The following CAGE1 variants were observed in gnomAD, a reference collection of about 807,000 sequenced individuals.
CAGE1 encodes the protein cancer antigen 1, also known as cancer-associated gene 1 protein.
Under a neutral mutation model 94.9 loss-of-function variants are expected in CAGE1, and 66 were observed. The ratio of observed to expected loss-of-function variants is 0.70; its 90% CI spans 0.57 to 0.85. The LOEUF is 0.85. Ranked by LOEUF, CAGE1 falls within the 40% of genes least tolerant of loss-of-function variation. The pLI is 0.00. For synonymous variants in CAGE1, 319 were observed against 321.0 expected, an observed-to-expected ratio of 0.99 and a Z score of 0.07; for missense variants, 865 against 950.4, an observed-to-expected ratio of 0.91 and a Z score of 1.18.
chr6:7,378,300 C>A (rs1273392116), intron 4 of CAGE1, among the ~76,000 whole-genome samples: 1 of 152,088 alleles, frequency 6.6e-6, no homozygotes, highest in Non-Finnish European at 1.5e-5. Context: ...GAGAAATTAC[C>A]ATTTGGTAGA....
chr6:7,347,506 G>C (rs1240760210), intron 11 of CAGE1: 2 of 132,638 alleles, frequency 1.5e-5, no homozygotes, highest in African/African-American at 5.9e-5. Context: ...GCGAGGGTGG[G>C]GGGGGGGGTT....
At chr6:7,347,930 GTC>G (rs1381975426) in intron 11 of CAGE1, among the ~76,000 whole-genome samples, 1 of 152,008 alleles carries the variant, frequency 6.6e-6, no homozygotes, top group Non-Finnish European at 1.5e-5. Flanking sequence ...CCCAAGGAGA[GTC>G]TGAGCTCAGA....
chr6:7,340,832 A>T (rs913961866), intron 11 of CAGE1: 19 of 411,266 alleles, frequency 4.6e-5, no homozygotes, highest in Non-Finnish European at 7.6e-5. Context: ...CAACTGCTTC[A>T]CTAGCAAAGC....
At chr6:7,359,317 G>C (rs1760092573) in intron 9 of CAGE1, among the ~76,000 whole-genome samples, 1 of 152,202 alleles carries the variant, frequency 6.6e-6, no homozygotes, top group African/African-American at 2.4e-5. Context: ...AAAGTGCTGG[G>C]ATTACAGGTG....
At chr6:7,345,135 C>CT (rs752226471) in intron 11 of CAGE1, among the ~76,000 whole-genome samples, 16 of 41,964 alleles carry the variant, frequency 3.8e-4, no homozygotes, top group South Asian at 1.2e-3. Flanking sequence ...ATCCATATTG[C>CT]TTTTAGGAGC....
intron 3 of CAGE1, among the ~76,000 whole-genome samples, chr6:7,385,139 G>A (rs1761074998): frequency 6.6e-6 from 1 of 152,112 alleles, no homozygotes; most frequent in Non-Finnish European, 1.5e-5. Flanking sequence ...CCAAGTAGCT[G>A]GGATTACAGG....
At chr6:7,349,521 C>T (rs1325751399) in intron 11 of CAGE1, among the ~76,000 whole-genome samples, 1 of 151,982 alleles carries the variant, frequency 6.6e-6, no homozygotes, top group Admixed American at 6.6e-5. Flanking sequence ...AAAAAAAAAC[C>T]AAGGTACACA....
chr6:7,339,082 G>A lies in CAGE1; in HGVS notation c.2370-4992C>T, dbSNP rs1163103903. The stretch of plus-strand genomic sequence containing the variant: ...GCAGTGTCAACGTAGTAGTTAACAG[G>A]GTCTCTGCTGTGGATCATCAGGCCG... On this transcript the variant is annotated intron_variant, in intron 11 of 13. Coordinates refer to ENST00000502583, the MANE Select transcript of CAGE1 (RefSeq NM_001170692.2). This position sits in a 1 kb window ranked among gnomAD's most constrained non-coding sequence, Gnocchi z 4.7. 1.9e-6 allele frequency: 3 copies of A among 1,598,702 alleles called. No homozygotes were observed. The highest frequency in any genetic ancestry group is 1.7e-5 in the Admixed American group (1 of 59,964).
chr6:7,381,059 A>G lies in CAGE1; in HGVS notation c.284-2039T>C, dbSNP rs373088897. Among the ~76,000 whole-genome samples the G allele has an allele frequency of 2.6e-5, 4 of 152,306 alleles. No individual in the cohort carries two copies. In the South Asian group the frequency reaches 6.2e-4, roughly 24 times the overall value. On this transcript the variant is annotated intron_variant, in intron 3 of 13. Transcript: ENST00000502583. ...TGACCTTCTTAATGTACATCCTTTC[A>G]TGTATTTAATGGTCTTACAGGTTTC...
At chr6:7,370,713 G>T (rs1412322268) in intron 5 of CAGE1, among the ~76,000 whole-genome samples, 1 of 152,166 alleles carries the variant, frequency 6.6e-6, no homozygotes, top group Non-Finnish European at 1.5e-5. Context: ...ATTGAAGATA[G>T]CTGGATTCTC....
At chr6:7,343,952 AAC>A (rs1333632010) in intron 11 of CAGE1, among the ~76,000 whole-genome samples, 2 of 152,236 alleles carry the variant, frequency 1.3e-5, no homozygotes, top group South Asian at 2.1e-4. Flanking sequence ...ATTCATCAAA[AAC>A]ACAGACAGCA....
In CAGE1 at chr6:7,373,886, T is replaced by C. The variant is rs1561864711; in HGVS notation, c.933A>G (p.Lys311=). Residue 311 remains lysine, a synonymous_variant, in exon 5 of 14, where the codon AAA becomes AAG. Coordinates refer to ENST00000502583, the MANE Select transcript of CAGE1 (RefSeq NM_001170692.2). ...CCTGCTTTCTGTTAGTATGTTTTAA[T>C]TTCTGCAAGACTTCATTTAAAGCCA... ...EDMALNEVLQ[K]LKHTNRKQEV... 1 of 1,614,010 alleles carries C rather than the reference T, an allele frequency of 6.2e-7. No homozygotes were observed.
At chr6:7,369,874 T>A in intron 6 of CAGE1, 45 bp downstream of exon 6, 2 of 1,542,872 alleles carry the variant, frequency 1.3e-6, no homozygotes, top group Non-Finnish European at 1.7e-6. Flanking sequence ...AACCCCAGTA[T>A]TTATTCCTCC....
chr6:7,331,613 C>T lies in CAGE1; in HGVS notation c.2439-1725G>A, dbSNP rs946327614. On this transcript the variant is annotated intron_variant, in intron 12 of 13. Transcript: ENST00000502583. ...GAGCCCTCTCCAGGTCTGTATGCAA[C>T]TCTACGCTGTTTAAGATAGAACTTC... 7 of 294,800 alleles carry T rather than the reference C, an allele frequency of 2.4e-5. No individual in the cohort carries two copies. The Admixed American group carries it at 2.8e-4, about 12-fold the overall frequency. 18.3% of individuals were successfully genotyped at this position (294,800 alleles called of 1,614,324 possible).
intron 11 of CAGE1, among the ~76,000 whole-genome samples, chr6:7,349,940 AAAAAAAAG>A (rs1759706389): frequency 1.5e-5 from 2 of 129,622 alleles, no homozygotes; most frequent in Non-Finnish European, 3.3e-5. Flanking sequence ...CTCAAAAAAA[AAAAAAAAG>A]AAAGAAAGAA....
At position 7,350,189 on chromosome 6, in the gene CAGE1, G is replaced by A. The variant is rs191469100; in HGVS notation, c.2369+4852C>T. Reference sequence around the variant, plus strand: ...GAGACATTATATGGTAAAAAGCCTCGTCCAACAGGAAAATATCACAATCCT... The same window carrying A: ...GAGACATTATATGGTAAAAAGCCTCATCCAACAGGAAAATATCACAATCCT... On this transcript the variant is annotated intron_variant, in intron 11 of 13. Transcript: ENST00000502583. Among the ~76,000 whole-genome samples the A allele has an allele frequency of 1.4e-4, 21 of 152,192 alleles. No individual in the cohort carries two copies. In the East Asian group the frequency reaches 2.9e-3, roughly 21 times the overall value.
chr6:7,363,807 T>C (rs898025838), intron 9 of CAGE1, among the ~76,000 whole-genome samples: 8 of 152,232 alleles, frequency 5.3e-5, no homozygotes, highest in Admixed American at 1.3e-4. Flanking sequence ...TAAAAACTCC[T>C]TATTAATCTT....
At chr6:7,373,025 A>G in intron 5 of CAGE1, 48 bp downstream of exon 5, 4 of 1,360,092 alleles carry the variant, frequency 2.9e-6, no homozygotes, top group Non-Finnish European at 4.0e-6. Flanking sequence ...CTAGACCACT[A>G]GAAACTCTTG....
Position 7,387,064 on chromosome 6 carries a change from T to G in CAGE1, c.110A>C (p.Asn37Thr), listed in dbSNP as rs371529381. The change falls in exon 2 of 14, where the codon AAT becomes ACT. Residue 37 changes from asparagine to threonine, a missense_variant. Coordinates refer to ENST00000502583, the MANE Select transcript of CAGE1 (RefSeq NM_001170692.2). ...TACACCTTGAGAAAGATTGCTGACA[T>G]TCATGGTATCCGATTCTGACATGCT... ...VESMSESDTM[N>T]VSNLSQGVML... The G allele has an allele frequency of 7.1e-6, 11 of 1,551,708 alleles. No individual in the cohort carries two copies. In the African/African-American group the frequency reaches 1.4e-4, roughly 19 times the overall value.
Sources: allele counts gnomAD v4.1 joint callset (sites outside exome capture counted in the v4.1 genomes callset), GRCh38; gene constraint gnomAD v4.1.1; non-coding constraint Gnocchi (gnomAD v3.1); transcripts MANE v1.5; gene names NCBI Gene and HGNC (gene_info 2026-07-23, HGNC 2026-07-21).